Variants in RRP12 observed in about 807,000 individuals in gnomAD.
The protein encoded by RRP12 is ribosomal RNA processing 12 homolog.
A neutral mutation model predicts 157.3 loss-of-function variants in RRP12; 78 were observed. That is an observed-to-expected ratio of 0.50 (90% CI 0.41 to 0.60). The LOEUF is 0.60. RRP12 is among the 20% of genes least tolerant of loss of function. RRP12 has a pLI of 0.00. For missense variants in RRP12, 1,521 were observed against 1,679.9 expected (o/e 0.91, Z 1.65); for synonymous variants, 726 against 670.9 (o/e 1.08, Z -1.27).
At chr10:97,372,686 C>T (rs192217297) in intron 19 of RRP12, 50 bp downstream of exon 19, 2 of 1,463,962 alleles carry the variant, frequency 1.4e-6, no homozygotes, top group Non-Finnish European at 1.9e-6. Flanking sequence ...GATGCACCCT[C>T]CAGCTCCCTG....
At chr10:97,362,767 A>G (rs753014512) in intron 30 of RRP12, among the ~76,000 whole-genome samples, 5 of 152,160 alleles carry the variant, frequency 3.3e-5, no homozygotes, top group Non-Finnish European at 5.9e-5. Flanking sequence ...GACTCTGGAT[A>G]TGTACTCAGC....
Position 97,394,233 on chromosome 10 carries a change from C to T in RRP12, c.454-473G>A, listed in dbSNP as rs1297481243. 5.3e-5 allele frequency among the ~76,000 whole-genome samples: 8 copies of T among 152,168 alleles called. 1 individual carries two copies. The South Asian group carries it at 1.5e-3, about 28-fold the overall frequency. ...TGGCGGGCGCCTGTAGTCCCAGCTA[C>T]TCGGGAGGCTGAGGCAGGAGAATGG... is the stretch of plus-strand genomic sequence containing the variant. On this transcript the variant is annotated intron_variant, in intron 3 of 33. Coordinates refer to ENST00000370992, the MANE Select transcript of RRP12 (RefSeq NM_015179.4).
chr10:97,373,249 C>A lies in RRP12; in HGVS notation c.2027-49G>T, dbSNP rs759841584. Reference sequence around the variant, plus strand: ...ACTAAAGGCACAGGAGCTGACTGTGCCTCAGTGGCTGCTGGGGCTGTGGCC... The same window carrying A: ...ACTAAAGGCACAGGAGCTGACTGTGACTCAGTGGCTGCTGGGGCTGTGGCC... On this transcript the variant is annotated intron_variant, in intron 17 of 33. Transcript: ENST00000370992. 3 of 1,587,024 alleles carry A rather than the reference C, an allele frequency of 1.9e-6. No homozygotes were observed. In the African/African-American group the frequency reaches 4.0e-5, roughly 21 times the overall value.
chr10:97,367,581 C>G (rs532194662), intron 25 of RRP12, among the ~76,000 whole-genome samples: 6 of 152,346 alleles, frequency 3.9e-5, no homozygotes, highest in African/African-American at 1.4e-4. Context: ...CCCAAGATTT[C>G]TCTTGGTCCC....
intron 9 of RRP12, 108 bp from the exon 10 acceptor site, chr10:97,385,365 T>C: frequency 1.2e-6 from 1 of 867,632 alleles, no homozygotes; most frequent in South Asian, 1.5e-5. Context: ...ACAGTGCTTG[T>C]GACCCTAGCA....
intron 16 of RRP12, 24 bp downstream of exon 16, chr10:97,373,806 C>T (rs375836912): frequency 2.7e-5 from 43 of 1,613,504 alleles, no homozygotes; most frequent in African/African-American, 4.0e-5. Context: ...CTTCTCCCCA[C>T]GCCCTCCCCC....
At chr10:97,366,664 C>CGGGG (rs758108387) in intron 27 of RRP12, 43 bp from the exon 28 acceptor site, 39 of 1,597,402 alleles carry the variant, frequency 2.4e-5, no homozygotes, top group Non-Finnish European at 2.7e-5. Flanking sequence ...CCAGGAGAGG[C>CGGGG]GGGGGTCAGC....
chr10:97,393,631 C>T (rs771918256), intron 4 of RRP12, 53 bp downstream of exon 4: 64 of 1,332,282 alleles, frequency 4.8e-5, no homozygotes, highest in Non-Finnish European at 6.9e-5. Flanking sequence ...TGTCCACATT[C>T]CCTTCTCCCC....
chr10:97,364,585 C>T (rs1473974938), intron 29 of RRP12, among the ~76,000 whole-genome samples: 4 of 152,174 alleles, frequency 2.6e-5, no homozygotes, highest in Admixed American at 6.5e-5. Context: ...GGCATGGTGG[C>T]GCACGCCTGT....
At chr10:97,390,656 C>G (rs1844778007) in intron 5 of RRP12, 83 bp downstream of exon 5, 2 of 1,361,758 alleles carry the variant, frequency 1.5e-6, no homozygotes, top group Non-Finnish European at 1.1e-6. Context: ...GTGCCTAAAC[C>G]CCTCTCAGGG....
intron 9 of RRP12, among the ~76,000 whole-genome samples, chr10:97,385,677 CT>C (rs1844611539): frequency 6.6e-6 from 1 of 152,176 alleles, no homozygotes; most frequent in South Asian, 2.1e-4. Flanking sequence ...TTAAAGTTAA[CT>C]AGGTCAAGGG....
chr10:97,369,212 T>C (rs541576180), intron 25 of RRP12, among the ~76,000 whole-genome samples: 1 of 152,340 alleles, frequency 6.6e-6, no homozygotes, highest in East Asian at 1.9e-4. Context: ...GCTTTCCATG[T>C]AGGGCTCTGG....
chr10:97,396,723 A>C (rs776980093), intron 2 of RRP12, among the ~76,000 whole-genome samples: 2 of 152,198 alleles, frequency 1.3e-5, no homozygotes, highest in Non-Finnish European at 2.9e-5. Flanking sequence ...CCCTTATAAA[A>C]AATGGTGTAG....
intron 30 of RRP12, among the ~76,000 whole-genome samples, chr10:97,361,814 G>A (rs372081839): frequency 2.0e-3 from 298 of 152,292 alleles, no homozygotes; most frequent in African/African-American, 7.0e-3. Flanking sequence ...GGTTGGCCGA[G>A]GAGTTAGAAC....
rs1844124684 is a variant in RRP12 at position 97,370,751 on chromosome 10, C to T, written c.2548G>A (p.Glu850Lys). ...LLHIVRKLSAEHKEFITALIP... is the reference protein window; with the variant it reads ...LLHIVRKLSAKHKEFITALIP... ...AGGGCAGTGATGAACTCCTTGTGTT[C>T]AGCTGAGAGCTTCCTCACGATGTGT... Residue 850 changes from glutamate (E) to lysine (K), a missense_variant, in exon 22 of 34, where the codon GAA (glutamate) becomes AAA (lysine). Glu to Lys is a moderately conservative substitution (Grantham distance 56). Coordinates refer to ENST00000370992, the MANE Select transcript of RRP12 (RefSeq NM_015179.4). 1 of 1,614,038 alleles carries T rather than the reference C, an allele frequency of 6.2e-7. No homozygotes were observed. The highest frequency in any genetic ancestry group is 8.5e-7 in the Non-Finnish European group (1 of 1,180,034).
chr10:97,370,101 TCCTGA>T (rs1323317243), intron 24 of RRP12, 61 bp downstream of exon 24: 2 of 1,153,162 alleles, frequency 1.7e-6, no homozygotes, highest in Non-Finnish European at 2.5e-6. Flanking sequence ...AGCCACTTTA[TCCTGA>T]CCTTTTGGGC....
chr10:97,376,361 C>G (rs890975588), intron 15 of RRP12, among the ~76,000 whole-genome samples: 1 of 151,342 alleles, frequency 6.6e-6, no homozygotes, highest in African/African-American at 2.4e-5. Context: ...ATTACAGGTG[C>G]GTGCCACCAT....
intron 9 of RRP12, among the ~76,000 whole-genome samples, chr10:97,385,468 C>T (rs542379072): frequency 6.6e-6 from 1 of 151,922 alleles, no homozygotes; most frequent in African/African-American, 2.4e-5. Flanking sequence ...CCTCTAGGAG[C>T]AGCGGAGTAT....
In RRP12 at chr10:97,364,273, C is replaced by T. The variant is rs184801953; in HGVS notation, c.3518-370G>A. Among the ~76,000 whole-genome samples the T allele has an allele frequency of 5.9e-3, 902 of 152,272 alleles. 2 individuals are homozygous for T. Among genetic ancestry groups the T allele is most frequent in the Non-Finnish European group, 9.9e-3 (671 of 68,028 alleles). On this transcript the variant is annotated intron_variant, in intron 29 of 33. Transcript: ENST00000370992. ...CGCTCCTGCAGCCCCATACACACCC[C>T]CACTGTGCCAGGAAGGCTTCATTCT...
Sources: gnomAD v4.1 joint callset for allele counts (sites outside exome capture counted in the v4.1 genomes callset) on GRCh38, gnomAD v4.1.1 for gene constraint, MANE v1.5 for transcripts, NCBI Gene and HGNC (gene_info 2026-07-23, HGNC 2026-07-21) for gene names.